The following DMTF1 variants were observed in gnomAD, a reference collection of about 807,000 sequenced individuals.
DMTF1 encodes cyclin D binding myb like transcription factor 1.
A neutral mutation model predicts 91.1 loss-of-function variants in DMTF1; 39 were observed. The ratio of observed to expected loss-of-function variants is 0.43; its 90% confidence interval spans 0.33 to 0.56. The LOEUF (loss-of-function observed/expected upper bound fraction) is 0.56. DMTF1 is among the 20% of genes least tolerant of loss of function. The pLI is 0.05. For missense variants in DMTF1, 750 were observed against 914.5 expected, an observed-to-expected ratio of 0.82 and a Z score of 2.32; for synonymous variants, 338 against 309.5, an observed-to-expected ratio of 1.09 and a Z score of -0.97.
chr7:87,154,227 G>A (rs527653813), intron 1 of DMTF1: 8 of 152,306 alleles, frequency 5.3e-5, no homozygotes, highest in African/African-American at 1.9e-4. Context: ...CTTCCATACA[G>A]AAAGCACAAA....
chr7:87,182,445 T>C, intron 10 of DMTF1, 108 bp downstream of exon 10: 1 of 934,098 alleles, frequency 1.1e-6, no homozygotes, highest in Non-Finnish European at 1.7e-6. Context: ...TCATTCACCT[T>C]AGTTCAGACT....
Position 87,195,413 on chromosome 7 carries a change from C to T in DMTF1, c.*273C>T, listed in dbSNP as rs1454285083. 2 of 276,424 alleles carry T rather than the reference C, an allele frequency of 7.2e-6. No individual in the cohort carries two copies. The highest frequency in any genetic ancestry group is 4.4e-5 in the African/African-American group (2 of 45,172). 17.1% of individuals were successfully genotyped at this position (276,424 alleles called of 1,614,324 possible). A position where few individuals can be genotyped will look rare whatever the true frequency, so the allele number is the denominator to read the frequency against. On this transcript the variant is annotated 3_prime_UTR_variant, in exon 18 of 18. Transcript: ENST00000331242. ...TTACATGGGAATAAGGAATTTCATTCACTTCAGCCACTAAGAAAAGTTTAG... is the reference window on the plus strand; with the variant it reads ...TTACATGGGAATAAGGAATTTCATTTACTTCAGCCACTAAGAAAAGTTTAG...
At position 87,192,962 on chromosome 7, in the gene DMTF1, T is replaced by C. The variant is rs376809962; in HGVS notation, c.1495-236T>C. On this transcript the variant is annotated intron_variant, in intron 14 of 17. Transcript: ENST00000331242. ...GAAACAGTGGCTCATACAACTGTCT[T>C]GGTGCCCTGAAACAAATAGCTGAGA... 2.6e-4 allele frequency: 124 copies of C among 469,224 alleles called. 1 individual carries two copies. In the South Asian group the frequency reaches 3.5e-3, roughly 13 times the overall value. 29.1% of individuals were successfully genotyped at this position (469,224 alleles called of 1,614,324 possible).
chr7:87,194,098 C>T lies in DMTF1; in HGVS notation c.2024C>T (p.Thr675Ile). ...SPSDLASAYV[T>I]EGLESPTIEE... The stretch of plus-strand genomic sequence containing the variant: ...TCTGATTTAGCCAGTGCTTATGTTA[C>T]TGAGGTAAGTTGTACTTTAAGAACA... Residue 675 changes from threonine (T) to isoleucine (I), a missense_variant, in exon 16 of 18, where the codon ACT becomes ATT. Thr to Ile is a moderately conservative substitution (Grantham distance 89). This residue lies in a region of DMTF1 where 410 missense variants were observed against 420.2 expected (regional missense o/e 0.98). Transcript: ENST00000331242. 6.3e-7 allele frequency: 1 copy of T among 1,579,018 alleles called. No individual in the cohort carries two copies. Among genetic ancestry groups the T allele is most frequent in the Non-Finnish European group, 8.6e-7 (1 of 1,163,264 alleles).
In DMTF1 at chr7:87,171,169, G is replaced by A. The variant is rs1308654132; in HGVS notation, c.327+80G>A. 2.5e-5 allele frequency: 25 copies of A among 981,482 alleles called. No individual in the cohort carries two copies. In the East Asian group the frequency reaches 5.8e-4, roughly 23 times the overall value. The allele number at this position is 981,482 out of a possible 1,614,324, so 60.8% of individuals were successfully genotyped here. On this transcript the variant is annotated intron_variant, in intron 5 of 17. Transcript: ENST00000331242. Reference sequence around the variant, plus strand: ...GCTAATAAAATGATGAGAAACCTCAGCCTCCCAAGTAGCGAGGACTACTGG... The same window carrying A: ...GCTAATAAAATGATGAGAAACCTCAACCTCCCAAGTAGCGAGGACTACTGG...
intron 11 of DMTF1, among the ~76,000 whole-genome samples, 179 bp from the exon 12 acceptor site, chr7:87,185,650 G>A (rs1474328888): frequency 6.6e-6 from 1 of 152,136 alleles, no homozygotes; most frequent in Non-Finnish European, 1.5e-5. Flanking sequence ...TTTCTTAGCT[G>A]TTAGCTCTGA....
At chr7:87,165,853 TTA>T (rs1206044536) in intron 3 of DMTF1, among the ~76,000 whole-genome samples, 1 of 152,248 alleles carries the variant, frequency 6.6e-6, no homozygotes, top group African/African-American at 2.4e-5. Context: ...CTTGATAGTA[TTA>T]TGTTTTTTAA....
intron 17 of DMTF1, 98 bp downstream of exon 17, chr7:87,194,926 C>A: frequency 7.0e-7 from 1 of 1,436,356 alleles, no homozygotes; most frequent in Non-Finnish European, 9.6e-7. Flanking sequence ...ATCCAATAAG[C>A]TACTAGTCCT....
intron 11 of DMTF1, 126 bp from the exon 12 acceptor site, chr7:87,185,700 TAAC>T: frequency 9.5e-7 from 1 of 1,053,646 alleles, no homozygotes; most frequent in East Asian, 2.5e-5. Context: ...CCGTGTAACT[TAAC>T]AATAGCATCT....
At position 87,184,569 on chromosome 7, in the gene DMTF1, G is replaced by T; in HGVS notation, c.993G>T (p.Trp331Cys). The T allele has an allele frequency of 6.2e-7, 1 of 1,613,968 alleles. No homozygotes were observed. Among genetic ancestry groups the T allele is most frequent in the Non-Finnish European group, 8.5e-7 (1 of 1,179,904 alleles). The change falls in exon 11 of 18, where the codon TGG becomes TGT. Residue 331 changes from tryptophan (W) to cysteine (C), a missense_variant. This residue lies in a region of DMTF1 where 190 missense variants were observed against 343.8 expected (regional missense o/e 0.55). Transcript: ENST00000331242. ...CRSKWLNYLN[W>C]KQSGGTEWTK... is the part of the protein sequence containing the mutation. Reference sequence around the variant, plus strand: ...CTAAATGGCTCAACTACCTGAATTGGAAACAGAGTGGGGGTACTGAATGGA... The same window carrying T: ...CTAAATGGCTCAACTACCTGAATTGTAAACAGAGTGGGGGTACTGAATGGA...
chr7:87,183,433 C>G (rs1449587643), intron 10 of DMTF1, among the ~76,000 whole-genome samples: 1 of 152,206 alleles, frequency 6.6e-6, no homozygotes, highest in Non-Finnish European at 1.5e-5. Flanking sequence ...CTGCTTCCTT[C>G]TCATGTTGTG....
At chr7:87,161,335 T>TAA (rs1265894771) in intron 1 of DMTF1, among the ~76,000 whole-genome samples, 1 of 151,920 alleles carries the variant, frequency 6.6e-6, no homozygotes, top group Non-Finnish European at 1.5e-5. Flanking sequence ...CCATCTCTAC[T>TAA]AAAAAAATAC....
At chr7:87,167,102 A>G (rs1794003536) in intron 4 of DMTF1, among the ~76,000 whole-genome samples, 1 of 152,246 alleles carries the variant, frequency 6.6e-6, no homozygotes, top group Admixed American at 6.5e-5. Flanking sequence ...GAAAATTATA[A>G]TAACTTGGCT....
At chr7:87,165,303 G>T (rs1793581480) in intron 3 of DMTF1, among the ~76,000 whole-genome samples, 2 of 152,094 alleles carry the variant, frequency 1.3e-5, no homozygotes, top group Middle Eastern at 3.4e-3. Flanking sequence ...ATACTAATTG[G>T]TACCAGCAGC....
chr7:87,181,840 G>C (rs1192617191), intron 9 of DMTF1, among the ~76,000 whole-genome samples: 1 of 152,144 alleles, frequency 6.6e-6, no homozygotes, highest in Admixed American at 6.6e-5. Flanking sequence ...TTTGAAGGTA[G>C]ATTCTGTTTA....
At chr7:87,156,494 C>T (rs1790757674) in intron 1 of DMTF1, among the ~76,000 whole-genome samples, 1 of 152,126 alleles carries the variant, frequency 6.6e-6, no homozygotes, top group Non-Finnish European at 1.5e-5. Context: ...GGCTCTGCTG[C>T]TCAAACTTTT....
At chr7:87,183,758 GAC>G (rs975535892) in intron 10 of DMTF1, among the ~76,000 whole-genome samples, 3 of 141,248 alleles carry the variant, frequency 2.1e-5, no homozygotes, top group African/African-American at 8.0e-5. Flanking sequence ...ATAAGAAAAA[GAC>G]AGAGAGGAAC....
chr7:87,175,568 A>C (rs963111903), intron 7 of DMTF1, among the ~76,000 whole-genome samples: 9 of 152,190 alleles, frequency 5.9e-5, no homozygotes, highest in African/African-American at 2.2e-4. Context: ...AGAGTGTTAG[A>C]AAGCCTGGTA....
At chr7:87,160,546 A>T (rs1792050800) in intron 1 of DMTF1, among the ~76,000 whole-genome samples, 2 of 151,758 alleles carry the variant, frequency 1.3e-5, no homozygotes, top group African/African-American at 4.8e-5. Context: ...AAGTGCTGGG[A>T]GCCACCCAAA....
Sources: allele counts gnomAD v4.1 joint callset (sites outside exome capture counted in the v4.1 genomes callset), GRCh38; gene constraint gnomAD v4.1.1; regional missense constraint gnomAD v4.1.1; transcripts MANE v1.5; gene names NCBI Gene and HGNC (gene_info 2026-07-23, HGNC 2026-07-21).